Variants in RAP1GDS1 observed in about 807,000 individuals in gnomAD.
RAP1GDS1 encodes RAP1, GTP-GDP dissociation stimulator 1.
A neutral mutation model predicts 71.1 loss-of-function variants in RAP1GDS1; 35 were observed. That is an observed-to-expected ratio of 0.49 (90% CI 0.38 to 0.65). The LOEUF is 0.65. RAP1GDS1 is among the 30% of genes least tolerant of loss of function. The probability of loss-of-function intolerance (pLI) is 0.00; values close to 1 mark genes in which losing one functional copy is unlikely to be tolerated. For synonymous variants in RAP1GDS1, 229 were observed against 243.1 expected, an observed-to-expected ratio of 0.94 and a Z score of 0.54; for missense variants, 663 against 706.1, an observed-to-expected ratio of 0.94 and a Z score of 0.69.
intron 1 of RAP1GDS1, among the ~76,000 whole-genome samples, chr4:98,263,401 G>T (rs1047770092): frequency 1.3e-5 from 2 of 152,128 alleles, no homozygotes; most frequent in African/African-American, 2.4e-5. Flanking sequence ...ATACCTAAAA[G>T]AAATTATCTA....
Position 98,443,015 on chromosome 4 carries a change from A to ATTTTTT in RAP1GDS1, c.*916_*921dup, listed in dbSNP as rs397994660. ...TGAGTATAGTTCATTGAAGAATGGAATTTTTTTTTTTTTTTTTTTTTTTGC... is the reference window on the plus strand; with the variant it reads ...TGAGTATAGTTCATTGAAGAATGGAATTTTTTTTTTTTTTTTTTTTTTTTTTTTTGC... On this transcript the variant is annotated 3_prime_UTR_variant, in exon 15 of 15. Transcript: ENST00000408927. The ATTTTTT allele has an allele frequency of 2.7e-4, 38 of 138,294 alleles. No homozygotes were observed. Among genetic ancestry groups the ATTTTTT allele is most frequent in the African/African-American group, 1.5e-3 (37 of 25,330 alleles). 8.6% of individuals were successfully genotyped at this position (138,294 alleles called of 1,614,324 possible). A position where few individuals can be genotyped will look rare whatever the true frequency, so the allele number is the denominator to read the frequency against.
chr4:98,309,587 G>A (rs1729902107), intron 2 of RAP1GDS1, among the ~76,000 whole-genome samples: 1 of 151,906 alleles, frequency 6.6e-6, no homozygotes, highest in Admixed American at 6.6e-5. Context: ...GGGAAGGATA[G>A]CCAAGAAATG....
At chr4:98,346,121 A>G (rs765981437) in intron 3 of RAP1GDS1, among the ~76,000 whole-genome samples, 84 of 152,316 alleles carry the variant, frequency 5.5e-4, no homozygotes, top group East Asian at 5.8e-4. Flanking sequence ...CCTCTAGGTA[A>G]TGCTGATGAG....
intron 5 of RAP1GDS1, among the ~76,000 whole-genome samples, chr4:98,388,098 A>G (rs892330056): frequency 2.6e-5 from 4 of 152,218 alleles, no homozygotes; most frequent in Non-Finnish European, 4.4e-5. Flanking sequence ...CAATAAGAAT[A>G]TCAACTTATC....
intron 1 of RAP1GDS1, among the ~76,000 whole-genome samples, chr4:98,273,075 G>T (rs551320783): frequency 1.3e-5 from 2 of 151,996 alleles, no homozygotes; most frequent in Non-Finnish European, 2.9e-5. Flanking sequence ...GGTCATTGTC[G>T]ACTTCTCATC....
At position 98,343,188 on chromosome 4, in the gene RAP1GDS1, T is replaced by C. The variant is rs757402235; in HGVS notation, c.162T>C (p.Phe54=). Residue 54 remains phenylalanine (F), a synonymous_variant, in exon 3 of 15, where the codon TTT becomes TTC. Transcript: ENST00000408927. ...AAGCAAGTGGAATACTTCAGCTGTT[T>C]GCAAGTCTGTTGACTCCACAGTCTT... ...KIQASGILQL[F]ASLLTPQSSC... 2 of 1,607,408 alleles carry C rather than the reference T, an allele frequency of 1.2e-6. No individual in the cohort carries two copies. The highest frequency in any genetic ancestry group is 3.3e-5 in the Admixed American group (2 of 59,956).
chr4:98,339,079 C>G (rs2110387701), intron 2 of RAP1GDS1, among the ~76,000 whole-genome samples: 1 of 152,288 alleles, frequency 6.6e-6, no homozygotes, highest in East Asian at 1.9e-4. Context: ...AAACTCTGCT[C>G]ATATGACATT....
At chr4:98,285,870 A>G (rs1399491059) in intron 1 of RAP1GDS1, among the ~76,000 whole-genome samples, 1 of 145,992 alleles carries the variant, frequency 6.8e-6, no homozygotes, top group Non-Finnish European at 1.5e-5. Context: ...ATAAATTTAA[A>G]TTATAAATAA....
intron 6 of RAP1GDS1, chr4:98,396,155 C>T (rs1030106578): frequency 4.6e-5 from 7 of 152,190 alleles, no homozygotes; most frequent in Admixed American, 4.6e-4. Flanking sequence ...CATGAGGGAC[C>T]TGCCCCCATT....
At chr4:98,380,030 A>AT (rs1046884940) in intron 5 of RAP1GDS1, among the ~76,000 whole-genome samples, 4 of 138,002 alleles carry the variant, frequency 2.9e-5, no homozygotes, top group African/African-American at 5.5e-5. Context: ...CATACTTTTT[A>AT]TTTTTTTTCA....
intron 4 of RAP1GDS1, among the ~76,000 whole-genome samples, chr4:98,362,905 A>G (rs759436676): frequency 3.3e-5 from 5 of 152,154 alleles, no homozygotes; most frequent in East Asian, 1.9e-4. Context: ...TGAACCAACT[A>G]TGTTTAGGGG....
intron 1 of RAP1GDS1, among the ~76,000 whole-genome samples, chr4:98,275,131 C>A (rs565208873): frequency 6.6e-6 from 1 of 151,630 alleles, no homozygotes; most frequent in African/African-American, 2.4e-5. Context: ...CTTTGTCTTG[C>A]GAATGTGATG....
intron 6 of RAP1GDS1, among the ~76,000 whole-genome samples, chr4:98,398,640 A>G (rs7655427): frequency 0.076 from 11,609 of 152,194 alleles, 495 homozygotes; most frequent in Admixed American, 0.14. Flanking sequence ...GAAAGGAAAA[A>G]GTCAAATTGT....
At position 98,388,742 on chromosome 4, in the gene RAP1GDS1, A is replaced by T. The variant is rs183787478; in HGVS notation, c.509-3210A>T. Among the ~76,000 whole-genome samples the T allele has an allele frequency of 5.7e-3, 866 of 152,040 alleles. 9 individuals carry two copies. The highest frequency in any genetic ancestry group is 0.016 in the African/African-American group (659 of 41,500). On this transcript the variant is annotated intron_variant, in intron 5 of 14. Transcript: ENST00000408927. Reference sequence around the variant, plus strand: ...CTTCGTCTCAAAAATTTTTTTTTTTAAAATTAGGTAGTCCTTTGACACTGG... The same window carrying T: ...CTTCGTCTCAAAAATTTTTTTTTTTTAAATTAGGTAGTCCTTTGACACTGG...
At chr4:98,373,911 A>G (rs1740777369) in intron 4 of RAP1GDS1, among the ~76,000 whole-genome samples, 1 of 152,194 alleles carries the variant, frequency 6.6e-6, no homozygotes, top group African/African-American at 2.4e-5. Flanking sequence ...TAAGTGACTA[A>G]TGGGCAGGTA....
At chr4:98,413,384 CCA>C (rs1747386589) in intron 7 of RAP1GDS1, among the ~76,000 whole-genome samples, 1 of 151,552 alleles carries the variant, frequency 6.6e-6, no homozygotes, top group African/African-American at 2.4e-5. Flanking sequence ...CCCCACCCCA[CCA>C]CAGTCCCCAG....
At chr4:98,295,801 C>G (rs955099593) in intron 2 of RAP1GDS1, among the ~76,000 whole-genome samples, 1 of 151,766 alleles carries the variant, frequency 6.6e-6, no homozygotes, top group Non-Finnish European at 1.5e-5. Flanking sequence ...AGTGGATAAG[C>G]CTGTTTTTCT....
chr4:98,348,678 A>G (rs1355463115), intron 3 of RAP1GDS1, among the ~76,000 whole-genome samples: 4 of 152,168 alleles, frequency 2.6e-5, no homozygotes, highest in African/African-American at 9.7e-5. Flanking sequence ...GTGAGATTGT[A>G]TCTCATTGTG....
chr4:98,394,321 T>C (rs1030710838), intron 6 of RAP1GDS1, among the ~76,000 whole-genome samples: 1 of 152,142 alleles, frequency 6.6e-6, no homozygotes, highest in East Asian at 1.9e-4. Flanking sequence ...ACTTCTCAAA[T>C]GAGAGTCAAG....
Sources: allele counts gnomAD v4.1 joint callset (sites outside exome capture counted in the v4.1 genomes callset), GRCh38; gene constraint gnomAD v4.1.1; transcripts MANE v1.5; gene names NCBI Gene and HGNC (gene_info 2026-07-23, HGNC 2026-07-21).